The following CNTN4 variants were observed in gnomAD, a reference collection of about 807,000 sequenced individuals.
CNTN4 encodes contactin 4.
A neutral mutation model predicts 122.5 loss-of-function variants in CNTN4; 77 were observed. The observed-to-expected ratio is 0.63, with a 90% CI of 0.52 to 0.76. The LOEUF (loss-of-function observed/expected upper bound fraction) is 0.76, where lower values mean the gene tolerates loss of function less well. CNTN4 is among the 30% of genes least tolerant of loss of function. The pLI is 0.00. For synonymous variants in CNTN4, 512 were observed against 447.0 expected, an observed-to-expected ratio of 1.15 and a Z score of -1.83; for missense variants, 1,256 against 1,259.1, an observed-to-expected ratio of 1.00 and a Z score of 0.04.
chr3:2,796,450 T>A (rs2092184734), intron 6 of CNTN4, among the ~76,000 whole-genome samples: 1 of 152,126 alleles, frequency 6.6e-6, no homozygotes, highest in Admixed American at 6.6e-5. Flanking sequence ...TTTTCAATAT[T>A]CCTTTTAATT....
At chr3:2,890,064 CAGCCTT>C in intron 10 of CNTN4, among the ~76,000 whole-genome samples, 1 of 152,230 alleles carries the variant, frequency 6.6e-6, no homozygotes, top group Admixed American at 6.5e-5. Context: ...GAAGATAACT[CAGCCTT>C]AGCTCACTTG....
At chr3:2,794,877 G>C (rs913537002) in intron 6 of CNTN4, among the ~76,000 whole-genome samples, 1 of 152,186 alleles carries the variant, frequency 6.6e-6, no homozygotes, top group African/African-American at 2.4e-5. Flanking sequence ...GAAGGGGCAA[G>C]GGAGCTCTGT....
intron 4 of CNTN4, among the ~76,000 whole-genome samples, chr3:2,712,109 C>G (rs1321472101): frequency 6.6e-6 from 1 of 152,082 alleles, no homozygotes; most frequent in Non-Finnish European, 1.5e-5. Flanking sequence ...TATGGAGGCT[C>G]TGTAGAAATA....
rs68070708 is a variant in CNTN4, at chr3:2,677,482, ATATCTATC to A, written c.56-58699_56-58692del. ...TATGTATCTATCCATCTATCCATCT[ATATCTATC>A]TATCTATCTATCTATCTATCTATCT... On this transcript the variant is annotated intron_variant, in intron 4 of 24. Coordinates refer to ENST00000418658, the MANE Select transcript of CNTN4 (RefSeq NM_175607.3). Among the ~76,000 whole-genome samples the A allele has an allele frequency of 3.9e-3, 477 of 120,770 alleles. 8 individuals carry two copies. Among genetic ancestry groups the A allele is most frequent in the African/African-American group, 6.0e-3 (208 of 34,424 alleles). 79.2% of individuals were successfully genotyped at this position (120,770 alleles called of 152,430 possible). A position where few individuals can be genotyped will look rare whatever the true frequency, so the allele number is the denominator to read the frequency against.
chr3:2,192,818 C>G (rs2037644664), intron 2 of CNTN4, among the ~76,000 whole-genome samples: 2 of 152,042 alleles, frequency 1.3e-5, no homozygotes, highest in Non-Finnish European at 2.9e-5. Context: ...TAGCTCCCCA[C>G]TATTTAAAAA....
At chr3:2,574,985 C>CT (rs1461141257) in intron 4 of CNTN4, among the ~76,000 whole-genome samples, 1 of 152,012 alleles carries the variant, frequency 6.6e-6, no homozygotes, top group Non-Finnish European at 1.5e-5. Flanking sequence ...AGTTCCTAGT[C>CT]CACCACTTTG....
At chr3:2,326,014 G>C (rs1042297595) in intron 2 of CNTN4, among the ~76,000 whole-genome samples, 6 of 151,494 alleles carry the variant, frequency 4.0e-5, no homozygotes, top group African/African-American at 1.5e-4. Context: ...TTATGGTTCA[G>C]TTTGACTGGG....
chr3:2,372,647 G>A (rs976143803), intron 3 of CNTN4, among the ~76,000 whole-genome samples: 2 of 152,126 alleles, frequency 1.3e-5, no homozygotes, highest in Non-Finnish European at 2.9e-5. Flanking sequence ...TGACAGGAAT[G>A]TTTTTATTTC....
In CNTN4 at chr3:2,988,151, A is replaced by G. The variant is rs370547375; in HGVS notation, c.1359-194A>G. Among the ~76,000 whole-genome samples, 19 of 152,340 alleles carry G rather than the reference A, an allele frequency of 1.2e-4. 1 individual carries two copies. The South Asian group carries it at 3.7e-3, about 30-fold the overall frequency. ...TAGCAAGAAAAGAATTAAAAACACT[A>G]AACAAGTCACATGTCTCAATTATGT... On this transcript the variant is annotated intron_variant, in intron 13 of 24. Transcript: ENST00000418658.
At chr3:2,694,365 C>T (rs934155890) in intron 4 of CNTN4, among the ~76,000 whole-genome samples, 2 of 152,204 alleles carry the variant, frequency 1.3e-5, no homozygotes, top group African/African-American at 4.8e-5. Flanking sequence ...TCAGTGTGTA[C>T]TTATAGATCT....
At chr3:2,382,273 G>T (rs1184879636) in intron 3 of CNTN4, among the ~76,000 whole-genome samples, 1 of 151,308 alleles carries the variant, frequency 6.6e-6, no homozygotes, top group Non-Finnish European at 1.5e-5. Context: ...GGGTTCAAGC[G>T]ATTCTCCTGC....
At chr3:2,369,123 C>T (rs2045531411) in intron 3 of CNTN4, among the ~76,000 whole-genome samples, 1 of 151,994 alleles carries the variant, frequency 6.6e-6, no homozygotes, top group Non-Finnish European at 1.5e-5. Context: ...CACAGTTTAA[C>T]CATGTTGGCC....
chr3:2,189,317 C>T (rs768155829), intron 2 of CNTN4, among the ~76,000 whole-genome samples: 16 of 152,098 alleles, frequency 1.1e-4, no homozygotes, highest in Non-Finnish European at 1.5e-4. Flanking sequence ...TCACCGATGC[C>T]TGCCGCTAGA....
At chr3:2,428,572 A>C (rs1320246762) in intron 3 of CNTN4, among the ~76,000 whole-genome samples, 1 of 151,878 alleles carries the variant, frequency 6.6e-6, no homozygotes, top group East Asian at 1.9e-4. Flanking sequence ...CTTCTCGAGG[A>C]GTATCTTTGT....
At chr3:2,241,227 A>G (rs1341027484) in intron 2 of CNTN4, among the ~76,000 whole-genome samples, 1 of 152,234 alleles carries the variant, frequency 6.6e-6, no homozygotes, top group Admixed American at 6.5e-5. Context: ...AGGCCAGTGT[A>G]CTACTAATTA....
intron 4 of CNTN4, among the ~76,000 whole-genome samples, chr3:2,627,636 GGT>G (rs2082250729): frequency 6.6e-6 from 1 of 150,924 alleles, no homozygotes; most frequent in Admixed American, 6.6e-5. Flanking sequence ...TGGGAATACA[GGT>G]GCCCGCCACC....
chr3:2,462,780 C>T (rs780970769), intron 3 of CNTN4, among the ~76,000 whole-genome samples: 24 of 152,150 alleles, frequency 1.6e-4, no homozygotes, highest in Non-Finnish European at 1.9e-4. Context: ...ACTGGCTAAT[C>T]AGGATTGGGC....
intron 2 of CNTN4, among the ~76,000 whole-genome samples, chr3:2,278,419 C>A (rs1014734131): frequency 6.6e-6 from 1 of 152,160 alleles, no homozygotes; most frequent in South Asian, 2.1e-4. Context: ...CTTTTGTGAA[C>A]TGGGTGCTAC....
chr3:2,316,410 C>T (rs941444197), intron 2 of CNTN4, among the ~76,000 whole-genome samples: 18 of 151,946 alleles, frequency 1.2e-4, no homozygotes, highest in African/African-American at 4.4e-4. Context: ...CAGAAAAAGT[C>T]CCAAATAGTA....
Sources: allele counts gnomAD v4.1 joint callset (sites outside exome capture counted in the v4.1 genomes callset), GRCh38; gene constraint gnomAD v4.1.1; transcripts MANE v1.5; gene names NCBI Gene and HGNC (gene_info 2026-07-23, HGNC 2026-07-21).